ITGB8: variants seen among roughly 807,000 people sequenced by gnomAD.
ITGB8 encodes the protein integrin subunit beta 8, also known as integrin beta-8.
ITGB8 carries 30 observed loss-of-function variants against 89.5 expected under a neutral mutation model. That is an observed-to-expected ratio of 0.34 (90% CI 0.25 to 0.45). The LOEUF (loss-of-function observed/expected upper bound fraction) is 0.45, where lower values mean the gene tolerates loss of function less well. Among genes scored for constraint, ITGB8 ranks in the 20% least tolerant of loss-of-function variants. ITGB8 has a pLI of 1.00. For synonymous variants in ITGB8, 335 were observed against 320.4 expected (o/e 1.05, Z -0.49); for missense variants, 836 against 933.3 (o/e 0.90, Z 1.36).
intron 3 of ITGB8, among the ~76,000 whole-genome samples, chr7:20,375,125 G>A (rs1786085542): frequency 6.6e-6 from 1 of 151,972 alleles, no homozygotes; most frequent in Non-Finnish European, 1.5e-5. Context: ...ACCCTTCACT[G>A]GGTCAAAAGT....
intron 1 of ITGB8, among the ~76,000 whole-genome samples, chr7:20,362,194 G>A (rs1785529770): frequency 6.6e-6 from 1 of 152,096 alleles, no homozygotes; most frequent in African/African-American, 2.4e-5. Context: ...GGTCAGAACT[G>A]CTTTTATCTT....
intron 5 of ITGB8, 135 bp from the exon 6 acceptor site, chr7:20,381,592 G>T: frequency 1.7e-6 from 1 of 599,810 alleles, no homozygotes; most frequent in East Asian, 2.9e-5. Context: ...TATTTACGCA[G>T]CAGCGTTGTA....
chr7:20,374,499 A>AAG, intron 3 of ITGB8, among the ~76,000 whole-genome samples: 1 of 151,904 alleles, frequency 6.6e-6, no homozygotes, highest in East Asian at 1.9e-4. Flanking sequence ...AAAAAAAAAA[A>AAG]AAAGATAAAG....
chr7:20,349,519 T>C (rs533052128), intron 1 of ITGB8, among the ~76,000 whole-genome samples: 2 of 152,206 alleles, frequency 1.3e-5, no homozygotes, highest in African/African-American at 4.8e-5. Context: ...ATATAATAAA[T>C]AAGTTTTGAA....
intron 2 of ITGB8, 66 bp from the exon 3 acceptor site, chr7:20,366,946 T>C (rs897049216): frequency 2.6e-5 from 28 of 1,068,184 alleles, no homozygotes; most frequent in African/African-American, 3.3e-5. Context: ...ATATTTGCTA[T>C]GTCATTTTCT....
In ITGB8 at chr7:20,381,799, C is replaced by T. The variant is rs1185988808; in HGVS notation, c.874C>T (p.Leu292Phe). ...GACAGATCAGACGTCTCATCTCGCTCTTGATAGCAAATTGGCAGGCATAGT... is the reference window on the plus strand; with the variant it reads ...GACAGATCAGACGTCTCATCTCGCTTTTGATAGCAAATTGGCAGGCATAGT... ...VMTDQTSHLALDSKLAGIVVP... is the reference protein window; with the variant it reads ...VMTDQTSHLAFDSKLAGIVVP... Residue 292 changes from leucine to phenylalanine, a missense_variant, in exon 6 of 14, where the codon CTT (leucine) becomes TTT (phenylalanine). By Grantham distance (22) the Leu-to-Phe change is conservative. Coordinates refer to ENST00000222573, the MANE Select transcript of ITGB8 (RefSeq NM_002214.3). 6.2e-7 allele frequency: 1 copy of T among 1,613,938 alleles called. No individual in the cohort carries two copies. The highest frequency in any genetic ancestry group is 1.6e-4 in the Middle Eastern group (1 of 6,084).
At chr7:20,386,098 A>T (rs1336310430) in intron 6 of ITGB8, among the ~76,000 whole-genome samples, 1 of 152,250 alleles carries the variant, frequency 6.6e-6, no homozygotes, top group Non-Finnish European at 1.5e-5. Flanking sequence ...ATTTTGTGCC[A>T]GGTATGGAAT....
At chr7:20,361,550 G>T (rs956539914) in intron 1 of ITGB8, among the ~76,000 whole-genome samples, 10 of 152,120 alleles carry the variant, frequency 6.6e-5, no homozygotes, top group Non-Finnish European at 1.5e-4. Flanking sequence ...ATTCAGAAGG[G>T]TGGGGCCCTC....
rs1262437325 is a variant in ITGB8 at position 20,409,625 on chromosome 7, C to T, written c.2034C>T (p.Ser678=). 5 of 1,601,592 alleles carry T rather than the reference C, an allele frequency of 3.1e-6. No individual in the cohort carries two copies. The African/African-American group carries it at 6.7e-5, about 22-fold the overall frequency. The change falls in exon 13 of 14, where the codon TCC becomes TCT. Residue 678 remains serine (S), a synonymous_variant. Transcript: ENST00000222573. ...TTTGCTTCATTACAGAATGTTTCTC[C>T]AGCCCAAGCTACTTGAGAATATTTT... is the stretch of plus-strand genomic sequence containing the variant. ...HYVDQTSECF[S]SPSYLRIFFI...
chr7:20,362,411 G>A (rs68076830), intron 1 of ITGB8, among the ~76,000 whole-genome samples: 36,660 of 152,144 alleles, frequency 0.24, 4,938 homozygotes, highest in Non-Finnish European at 0.29. Flanking sequence ...TTAAAGGGAT[G>A]AACTTGGATT....
chr7:20,409,032 G>A (rs556114930), intron 12 of ITGB8, among the ~76,000 whole-genome samples: 31 of 152,236 alleles, frequency 2.0e-4, no homozygotes, highest in Non-Finnish European at 2.9e-4. Context: ...TGGAGAAGCC[G>A]TGTATAATAA....
intron 8 of ITGB8, among the ~76,000 whole-genome samples, chr7:20,396,665 T>C (rs1367327441): frequency 6.6e-6 from 1 of 152,186 alleles, no homozygotes; most frequent in Non-Finnish European, 1.5e-5. Flanking sequence ...TTCCCATCAG[T>C]AGTCTGTTCC....
At chr7:20,404,493 T>C (rs778598584) in intron 10 of ITGB8, 135 bp from the exon 11 acceptor site, 1 of 732,538 alleles carries the variant, frequency 1.4e-6, no homozygotes, top group Non-Finnish European at 2.4e-6. Context: ...GTCAGACCAA[T>C]GAAAAAGTGA....
intron 1 of ITGB8, among the ~76,000 whole-genome samples, chr7:20,359,072 A>G (rs1785402144): frequency 6.6e-6 from 1 of 152,210 alleles, no homozygotes; most frequent in African/African-American, 2.4e-5. Context: ...GTTGTGTTCC[A>G]TGTTGTACAT....
At chr7:20,387,042 C>T (rs1402092444) in intron 6 of ITGB8, among the ~76,000 whole-genome samples, 1 of 152,182 alleles carries the variant, frequency 6.6e-6, no homozygotes, top group Non-Finnish European at 1.5e-5. Context: ...TCAAGGAAAG[C>T]ACATCCAAGA....
rs1787900782 is a variant in ITGB8, at chr7:20,415,589, G to A, written c.*5592G>A. The stretch of plus-strand genomic sequence containing the variant: ...GATTGACTACTAACTTCTGTTTTAT[G>A]TATTTATTAAAGAGCTGACACTGTA... On this transcript the variant is annotated 3_prime_UTR_variant, in exon 14 of 14. Coordinates refer to ENST00000222573, the MANE Select transcript of ITGB8 (RefSeq NM_002214.3). 1 of 152,428 alleles carries A rather than the reference G, an allele frequency of 6.6e-6. No individual in the cohort carries two copies. The highest frequency in any genetic ancestry group is 2.4e-5 in the African/African-American group (1 of 41,412). 9.4% of individuals were successfully genotyped at this position (152,428 alleles called of 1,614,324 possible).
intron 3 of ITGB8, among the ~76,000 whole-genome samples, chr7:20,372,505 G>A (rs1454649294): frequency 3.9e-5 from 6 of 152,080 alleles, no homozygotes; most frequent in Middle Eastern, 3.2e-3. Flanking sequence ...AAGTGGTGTT[G>A]ATTTAAACTG....
intron 1 of ITGB8, among the ~76,000 whole-genome samples, chr7:20,355,989 G>C (rs1006047692): frequency 1.3e-5 from 2 of 152,050 alleles, no homozygotes. Context: ...TGCTCCCCCT[G>C]TTTTGAGGGA....
chr7:20,405,077 T>C (rs1353544044), intron 11 of ITGB8, among the ~76,000 whole-genome samples: 2 of 152,118 alleles, frequency 1.3e-5, no homozygotes, highest in East Asian at 3.9e-4. Flanking sequence ...CCTTAGCTTT[T>C]TTTGAAATTA....
Sources: allele counts gnomAD v4.1 joint callset (sites outside exome capture counted in the v4.1 genomes callset), GRCh38; gene constraint gnomAD v4.1.1; transcripts MANE v1.5; gene names NCBI Gene and HGNC (gene_info 2026-07-23, HGNC 2026-07-21).